The following ARHGAP31 variants were observed in gnomAD, a reference collection of about 807,000 sequenced individuals.
The protein encoded by ARHGAP31 is Rho GTPase activating protein 31, also known as rho GTPase-activating protein 31.
ARHGAP31 carries 34 observed loss-of-function variants against 113.9 expected under a neutral mutation model. The ratio of observed to expected loss-of-function variants is 0.30; its 90% CI spans 0.23 to 0.40. ARHGAP31 has a LOEUF of 0.40. Ranked by LOEUF, ARHGAP31 falls within the 10% of genes least tolerant of loss-of-function variation. ARHGAP31 has a pLI of 1.00. For missense variants in ARHGAP31, 1,548 were observed against 1,767.1 expected (o/e 0.88, Z 2.22); for synonymous variants, 650 against 684.8 (o/e 0.95, Z 0.79).
intron 1 of ARHGAP31, among the ~76,000 whole-genome samples, chr3:119,329,351 C>A (rs1222142697): frequency 6.6e-6 from 1 of 152,192 alleles, no homozygotes; most frequent in African/African-American, 2.4e-5. Flanking sequence ...ACTACACGCA[C>A]ATGCCACAAA....
chr3:119,414,612 A>G lies in ARHGAP31; in HGVS notation c.2683A>G (p.Thr895Ala), dbSNP rs764613592. The change falls in exon 12 of 12, where the codon ACA becomes GCA. Residue 895 changes from threonine to alanine, a missense_variant. Physicochemically the swap from Thr to Ala is moderately conservative, Grantham distance 58 (BLOSUM62 0). Coordinates refer to ENST00000264245, the MANE Select transcript of ARHGAP31 (RefSeq NM_020754.4). ...PSDCDEDDTV[T>A]DIAQHGLEMV... The stretch of plus-strand genomic sequence containing the variant: ...AGACTGTGACGAAGATGACACTGTG[A>G]CAGACATTGCCCAGCATGGCCTGGA... 6.2e-7 allele frequency: 1 copy of G among 1,614,230 alleles called. No individual in the cohort carries two copies. Among genetic ancestry groups the G allele is most frequent in the South Asian group, 1.1e-5 (1 of 91,086 alleles).
intron 9 of ARHGAP31, 116 bp downstream of exon 9, chr3:119,399,377 T>C: frequency 1.1e-6 from 1 of 886,012 alleles, no homozygotes; most frequent in Non-Finnish European, 1.8e-6. Context: ...CACAACTACC[T>C]AGTCCCAAAT....
chr3:119,306,088 A>C (rs2079628709), intron 1 of ARHGAP31, among the ~76,000 whole-genome samples: 2 of 152,166 alleles, frequency 1.3e-5, no homozygotes, highest in African/African-American at 4.8e-5. Context: ...TCTCTTGTTA[A>C]TCCTTGGGCA....
intron 1 of ARHGAP31, among the ~76,000 whole-genome samples, chr3:119,327,538 A>G (rs770534554): frequency 4.6e-5 from 7 of 152,174 alleles, no homozygotes; most frequent in Non-Finnish European, 1.0e-4. Flanking sequence ...CAGCGAGACA[A>G]TGTCTCAAAA....
At chr3:119,297,854 G>A (rs760719675) in intron 1 of ARHGAP31, among the ~76,000 whole-genome samples, 3 of 151,564 alleles carry the variant, frequency 2.0e-5, no homozygotes, top group Non-Finnish European at 4.4e-5. Flanking sequence ...CTCAGGGCCA[G>A]TTGTCAACCT....
chr3:119,312,112 C>T (rs1246477296), intron 1 of ARHGAP31, among the ~76,000 whole-genome samples: 1 of 152,176 alleles, frequency 6.6e-6, no homozygotes, highest in Non-Finnish European at 1.5e-5. Context: ...CAAATGTGTC[C>T]ATTTAAATTC....
rs576573478 is a variant in ARHGAP31, at chr3:119,340,206, A to G, written c.101-25110A>G. 2.6e-5 allele frequency among the ~76,000 whole-genome samples: 4 copies of G among 152,308 alleles called. No homozygotes were observed. The South Asian group carries it at 8.3e-4, about 32-fold the overall frequency. On this transcript the variant is annotated intron_variant, in intron 1 of 11. Transcript: ENST00000264245. ...AGCCACTAGGGAAATGCAAATTAAA[A>G]CCACAATGAGACACATGTCATTTGG...
intron 1 of ARHGAP31, among the ~76,000 whole-genome samples, chr3:119,299,958 C>A (rs1413658582): frequency 6.6e-6 from 1 of 152,334 alleles, no homozygotes; most frequent in Non-Finnish European, 1.5e-5. Flanking sequence ...CCTGGCACAT[C>A]GTGGTCACAC....
chr3:119,312,186 T>C lies in ARHGAP31; in HGVS notation c.100+17182T>C, dbSNP rs183134890. Among the ~76,000 whole-genome samples the C allele has an allele frequency of 1.5e-4, 23 of 152,352 alleles. 1 individual carries two copies. In the East Asian group the frequency reaches 4.4e-3, roughly 29 times the overall value. On this transcript the variant is annotated intron_variant, in intron 1 of 11. Transcript: ENST00000264245. ...GTTTAAAACCACCTTGTCCTTTTTG[T>C]TGGTTTTGTTGTAGCTGTTGAGAAA...
In ARHGAP31 at chr3:119,409,709, A is replaced by AGAT; in HGVS notation, c.1861_1863dup (p.Met621dup). On this transcript the variant is annotated inframe_insertion, in exon 11 of 12. Coordinates refer to ENST00000264245, the MANE Select transcript of ARHGAP31 (RefSeq NM_020754.4). ...GTGGAGGAGGGACGAGAGGCTGGTGAGATGGAGTCCAGCACCCTGCAGGAG... is the reference window on the plus strand; with the variant it reads ...GTGGAGGAGGGACGAGAGGCTGGTGAGATGATGGAGTCCAGCACCCTGCAGGAG... The AGAT allele has an allele frequency of 3.1e-6, 5 of 1,610,016 alleles. No homozygotes were observed. Among genetic ancestry groups the AGAT allele is most frequent in the Non-Finnish European group, 3.4e-6 (4 of 1,178,372 alleles).
In ARHGAP31 at chr3:119,365,410, A is replaced by G. The variant is rs541152628; in HGVS notation, c.195A>G (p.Gln65=). 1 of 1,613,642 alleles carries G rather than the reference A, an allele frequency of 6.2e-7. No individual in the cohort carries two copies. Residue 65 remains glutamine, a synonymous_variant, in exon 2 of 12, where the codon CAA becomes CAG. Transcript: ENST00000264245. The part of the protein sequence containing the change: ...YRLSGVTSNI[Q]RLRQEFGSDQ... Reference sequence around the variant, plus strand: ...TTTCAGGAGTCACCTCAAACATACAACGGCTAAGGTAAGCTAAAAGAATAG... The same window carrying G: ...TTTCAGGAGTCACCTCAAACATACAGCGGCTAAGGTAAGCTAAAAGAATAG...
chr3:119,334,242 C>T (rs1381867628), intron 1 of ARHGAP31, among the ~76,000 whole-genome samples: 3 of 152,134 alleles, frequency 2.0e-5, no homozygotes, highest in Non-Finnish European at 2.9e-5. Flanking sequence ...TCTTGGCCCC[C>T]ACTCCAGCCC....
chr3:119,348,619 G>T (rs897795611), intron 1 of ARHGAP31, among the ~76,000 whole-genome samples: 1 of 152,144 alleles, frequency 6.6e-6, no homozygotes, highest in African/African-American at 2.4e-5. Context: ...TGTAATCTAT[G>T]CACATCCTCT....
At chr3:119,370,889 T>C in intron 3 of ARHGAP31, among the ~76,000 whole-genome samples, 1 of 152,210 alleles carries the variant, frequency 6.6e-6, no homozygotes, top group East Asian at 1.9e-4. Flanking sequence ...ATTTGCTGAG[T>C]AGAAAGTTCT....
intron 2 of ARHGAP31, 136 bp from the exon 3 acceptor site, chr3:119,368,236 G>T (rs2080266409): frequency 8.7e-7 from 1 of 1,145,486 alleles, no homozygotes; most frequent in Admixed American, 1.9e-5. Context: ...TGGAGTAGAA[G>T]ATCTTTTTGA....
chr3:119,294,878 G>GT lies in ARHGAP31; in HGVS notation c.-27_-26insT, dbSNP rs753539329. ...GCCAAGCAGAGGGGCGGCAGAGACG[G>GT]AGGGGCAGCCTCTTTGGGACTAACT... is the stretch of plus-strand genomic sequence containing the variant. On this transcript the variant is annotated 5_prime_UTR_variant, in exon 1 of 12. Transcript: ENST00000264245. The GT allele has an allele frequency of 9.3e-6, 15 of 1,608,300 alleles. No individual in the cohort carries two copies. In the South Asian group the frequency reaches 1.6e-4, roughly 18 times the overall value.
intron 9 of ARHGAP31, among the ~76,000 whole-genome samples, chr3:119,400,005 C>T (rs943936849): frequency 3.9e-5 from 6 of 152,250 alleles, no homozygotes; most frequent in African/African-American, 1.2e-4. Context: ...ACTTGTCTGG[C>T]AACAGACTGT....
intron 1 of ARHGAP31, among the ~76,000 whole-genome samples, chr3:119,361,768 G>T (rs565909760): frequency 6.6e-6 from 1 of 152,316 alleles, no homozygotes; most frequent in South Asian, 2.1e-4. Flanking sequence ...GAGAACCGCT[G>T]CTCTAATGTC....
At chr3:119,402,453 A>T in intron 10 of ARHGAP31, 56 bp downstream of exon 10, 1 of 1,573,430 alleles carries the variant, frequency 6.4e-7, no homozygotes, top group Non-Finnish European at 8.7e-7. Flanking sequence ...CCAGACTTAA[A>T]TTTGCTTGAG....
Sources: gnomAD v4.1 joint callset for allele counts (sites outside exome capture counted in the v4.1 genomes callset) on GRCh38, gnomAD v4.1.1 for gene constraint, MANE v1.5 for transcripts, NCBI Gene and HGNC (gene_info 2026-07-23, HGNC 2026-07-21) for gene names.